Variants in ZNF746 observed in about 807,000 individuals in gnomAD.
The protein encoded by ZNF746 is parkin-interacting substrate.
A neutral mutation model predicts 41.0 loss-of-function variants in ZNF746; 13 were observed. The observed-to-expected ratio is 0.32, with a 90% CI of 0.21 to 0.50. The LOEUF (loss-of-function observed/expected upper bound fraction) is 0.50. Ranked by LOEUF, ZNF746 falls within the 20% of genes least tolerant of loss-of-function variation. ZNF746 has a pLI of 0.98. For missense variants in ZNF746, 811 were observed against 922.9 expected (o/e 0.88, Z 1.57); for synonymous variants, 424 against 396.2 (o/e 1.07, Z -0.83).
rs138634757 is a variant in ZNF746 at position 149,479,549 on chromosome 7, T to C, written c.566-1794A>G. ...TTTCAAAAAAGAAAAAGACATATTA[T>C]GAACACATTGGGTTTATTCTGAGAG... On this transcript the variant is annotated intron_variant, in intron 4 of 6. Coordinates refer to ENST00000458143, the MANE Select transcript of ZNF746 (RefSeq NM_001394198.1). Among the ~76,000 whole-genome samples the C allele has an allele frequency of 9.2e-5, 14 of 152,358 alleles. No individual in the cohort carries two copies. In the East Asian group the frequency reaches 2.7e-3, roughly 29 times the overall value.
chr7:149,490,862 G>A (rs1369878161), intron 4 of ZNF746: 1 of 151,644 alleles, frequency 6.6e-6, no homozygotes, highest in African/African-American at 2.4e-5. Flanking sequence ...TCTCTAGAGA[G>A]GGATTGAGGC....
rs149056131 is a variant in ZNF746, at chr7:149,493,409, G to A, written c.452-437C>T. Among the ~76,000 whole-genome samples the A allele has an allele frequency of 8.8e-4, 134 of 152,222 alleles. 1 individual carries two copies. Among genetic ancestry groups the A allele is most frequent in the Non-Finnish European group, 3.7e-4 (25 of 68,026 alleles). ...AACAGGTCTCACTGCCCTCGGCTCC[G>A]GGGTCACACAGAAACCATTAGGAAG... On this transcript the variant is annotated intron_variant, in intron 3 of 6. Transcript: ENST00000458143.
At chr7:149,475,613 G>C in intron 6 of ZNF746, 130 bp from the exon 7 acceptor site, 1 of 1,455,010 alleles carries the variant, frequency 6.9e-7, no homozygotes. Flanking sequence ...GCTGAGCCCA[G>C]AGGGCAGCTC....
In ZNF746 at chr7:149,477,720, T is replaced by C; in HGVS notation, c.601A>G (p.Met201Val). The part of the protein sequence containing the change: ...GPPVPAPDLL[M>V]QIKQEGELQL... ...AGCTCACCCTCCTGCTTGATCTGCA[T>C]CAAGAGGTCTGGGGCGGGAACTGGG... The change falls in exon 5 of 7, where the codon ATG (methionine) becomes GTG (valine). Residue 201 changes from methionine to valine, a missense_variant. Physicochemically the swap from Met to Val is conservative, Grantham distance 21. Coordinates refer to ENST00000458143, the MANE Select transcript of ZNF746 (RefSeq NM_001394198.1). 6.2e-7 allele frequency: 1 copy of C among 1,612,574 alleles called. No homozygotes were observed. Among genetic ancestry groups the C allele is most frequent in the Non-Finnish European group, 8.5e-7 (1 of 1,179,032 alleles).
At position 149,497,088 on chromosome 7, in the gene ZNF746, G is replaced by A. The variant is rs1166880585; in HGVS notation, c.24+425C>T. 3.0e-6 allele frequency: 3 copies of A among 985,264 alleles called. No individual in the cohort carries two copies. The highest frequency in any genetic ancestry group is 3.6e-6 in the Non-Finnish European group (3 of 829,932). 61.0% of individuals were successfully genotyped at this position (985,264 alleles called of 1,614,324 possible). A position where few individuals can be genotyped will look rare whatever the true frequency, so the allele number is the denominator to read the frequency against. ...GAAGCTGGGCACGTAGTGGGAGTCGGTGTATGCGGATTCGAAGCCGGACAC... is the reference window on the plus strand; with the variant it reads ...GAAGCTGGGCACGTAGTGGGAGTCGATGTATGCGGATTCGAAGCCGGACAC... On this transcript the variant is annotated intron_variant, in intron 1 of 6. Transcript: ENST00000458143. This position sits in a 1 kb window ranked among gnomAD's most constrained non-coding sequence, Gnocchi z 4.2.
Position 149,477,647 on chromosome 7 carries a change from C to T in ZNF746, c.674G>A (p.Gly225Glu), listed in dbSNP as rs372723860. 28 of 1,613,962 alleles carry T rather than the reference C, an allele frequency of 1.7e-5. No homozygotes were observed. The highest frequency in any genetic ancestry group is 1.6e-4 in the Middle Eastern group (1 of 6,084). ...QALGVEAWAA[G>E]QPDIGEEPWG... ...GGGCTCCTCCCCAATATCTGGCTGC[C>T]CGGCTGCCCACGCCTCCACGCCCAG... Residue 225 changes from glycine to glutamate, a missense_variant, in exon 5 of 7, where the codon GGG (glycine) becomes GAG (glutamate). Physicochemically the swap from Gly to Glu is moderately conservative, Grantham distance 98. This residue lies in a region of ZNF746 where 495 missense variants were observed against 481.6 expected (regional missense o/e 1.03). Transcript: ENST00000458143.
chr7:149,492,488 A>C (rs1274009781), intron 4 of ZNF746, among the ~76,000 whole-genome samples: 1 of 152,210 alleles, frequency 6.6e-6, no homozygotes, highest in African/African-American at 2.4e-5. Context: ...AGAGAGTCAA[A>C]AGTTATACAT....
intron 4 of ZNF746, among the ~76,000 whole-genome samples, chr7:149,486,977 G>A (rs1800645071): frequency 6.6e-6 from 1 of 152,244 alleles, no homozygotes; most frequent in Non-Finnish European, 1.5e-5. Context: ...ACAGCAGGGG[G>A]TGGGTGGAAG....
chr7:149,485,134 C>A, intron 4 of ZNF746, among the ~76,000 whole-genome samples: 1 of 145,804 alleles, frequency 6.9e-6, no homozygotes, highest in African/African-American at 2.5e-5. Context: ...AAAAAGATAC[C>A]ACTGACAAAA....
intron 4 of ZNF746, among the ~76,000 whole-genome samples, chr7:149,479,424 G>A (rs1332461228): frequency 1.3e-5 from 2 of 152,188 alleles, no homozygotes; most frequent in South Asian, 2.1e-4. Flanking sequence ...GCACAAACTA[G>A]AGGGGTAGTA....
chr7:149,475,870 T>C (rs1800282809), intron 6 of ZNF746, among the ~76,000 whole-genome samples: 1 of 152,198 alleles, frequency 6.6e-6, no homozygotes, highest in African/African-American at 2.4e-5. Flanking sequence ...CTGCAGGCAG[T>C]TTCTAACCCA....
At chr7:149,475,537 C>G (rs776990709) in intron 6 of ZNF746, 54 bp from the exon 7 acceptor site, 1 of 1,547,246 alleles carries the variant, frequency 6.5e-7, no homozygotes, top group South Asian at 1.2e-5. Flanking sequence ...CTGAGCGAGC[C>G]ACGATCTGCC....
In ZNF746 at chr7:149,475,141, G is replaced by A. The variant is rs1394434584; in HGVS notation, c.1226C>T (p.Pro409Leu). 9 of 1,612,662 alleles carry A rather than the reference G, an allele frequency of 5.6e-6. No homozygotes were observed. Among genetic ancestry groups the A allele is most frequent in the Non-Finnish European group, 7.6e-6 (9 of 1,179,816 alleles). The part of the protein sequence containing the change: ...FRCKPPVGLN[P>L]RTGPEGLPYS... Reference sequence around the variant, plus strand: ...AGGAAGCCCCTCGGGCCCCGTCCTCGGGTTCAGGCCCACTGGCGGTTTACA... The same window carrying A: ...AGGAAGCCCCTCGGGCCCCGTCCTCAGGTTCAGGCCCACTGGCGGTTTACA... The change falls in exon 7 of 7, where the codon CCG becomes CTG. Residue 409 changes from proline (P) to leucine (L), a missense_variant. Coordinates refer to ENST00000458143, the MANE Select transcript of ZNF746 (RefSeq NM_001394198.1).
rs192018905 is a variant in ZNF746, at chr7:149,480,285, G to A, written c.566-2530C>T. On this transcript the variant is annotated intron_variant, in intron 4 of 6. Coordinates refer to ENST00000458143, the MANE Select transcript of ZNF746 (RefSeq NM_001394198.1). Reference sequence around the variant, plus strand: ...TTTGGATATTAAAATTATCATATAAGGAATATAAAGTTCAATTATTTACAG... The same window carrying A: ...TTTGGATATTAAAATTATCATATAAAGAATATAAAGTTCAATTATTTACAG... 3.0e-3 allele frequency among the ~76,000 whole-genome samples: 460 copies of A among 152,098 alleles called. 2 individuals carry two copies. The highest frequency in any genetic ancestry group is 5.5e-3 in the Non-Finnish European group (376 of 67,998).
Position 149,476,997 on chromosome 7 carries a change from C to G in ZNF746, c.808G>C (p.Asp270His), listed in dbSNP as rs750631084. 6.2e-7 allele frequency: 1 copy of G among 1,613,810 alleles called. No individual in the cohort carries two copies. The highest frequency in any genetic ancestry group is 8.5e-7 in the Non-Finnish European group (1 of 1,179,926). The change falls in exon 6 of 7, where the codon GAT becomes CAT. Residue 270 changes from aspartate to histidine, a missense_variant. Asp to His is a moderately conservative substitution (Grantham distance 81). Around this residue, in one of 4 missense-constraint regions of ZNF746, gnomAD observed 495 missense variants for 481.6 expected, o/e 1.03. Transcript: ENST00000458143. ...GAAGAGGGATGGTGGGGAGGGAGAT[C>G]CGTTTGCCAGGAGGTGGGCGGGATG... ...TTIPPTSWQTDLPPHHPSSAC... is the reference protein window; with the variant it reads ...TTIPPTSWQTHLPPHHPSSAC...
Position 149,474,136 on chromosome 7 carries a change from C to A in ZNF746, c.*248G>T. Reference sequence around the variant, plus strand: ...TTAAAAAAAAACAAAAAACAAAAAACAAAACAGGTTTGCAATTAAATTACT... The same window carrying A: ...TTAAAAAAAAACAAAAAACAAAAAAAAAAACAGGTTTGCAATTAAATTACT... On this transcript the variant is annotated 3_prime_UTR_variant, in exon 7 of 7. Coordinates refer to ENST00000458143, the MANE Select transcript of ZNF746 (RefSeq NM_001394198.1). This position sits in a 1 kb window ranked among gnomAD's most constrained non-coding sequence, Gnocchi z 6.3. 1.9e-6 allele frequency: 1 copy of A among 527,940 alleles called. No homozygotes were observed. Among genetic ancestry groups the A allele is most frequent in the East Asian group, 3.3e-5 (1 of 30,370 alleles). 32.7% of individuals were successfully genotyped at this position (527,940 alleles called of 1,614,324 possible). A position where few individuals can be genotyped will look rare whatever the true frequency, so the allele number is the denominator to read the frequency against.
chr7:149,482,903 C>A (rs1363265433), intron 4 of ZNF746, among the ~76,000 whole-genome samples: 1 of 151,938 alleles, frequency 6.6e-6, no homozygotes, highest in Admixed American at 6.6e-5. Flanking sequence ...TAAATCTAGC[C>A]AACTAAAGGT....
intron 4 of ZNF746, among the ~76,000 whole-genome samples, chr7:149,487,440 T>C (rs1341207757): frequency 6.6e-6 from 1 of 152,252 alleles, no homozygotes; most frequent in Non-Finnish European, 1.5e-5. Flanking sequence ...AAATGTATCT[T>C]GTCCACAGAC....
chr7:149,479,961 A>G (rs909242395), intron 4 of ZNF746, among the ~76,000 whole-genome samples: 13 of 149,994 alleles, frequency 8.7e-5, no homozygotes, highest in Admixed American at 4.7e-4. Flanking sequence ...CACAGAGGGG[A>G]AAAAAAAAAG....
Sources: gnomAD v4.1 joint callset for allele counts (sites outside exome capture counted in the v4.1 genomes callset) on GRCh38, gnomAD v4.1.1 for gene constraint, gnomAD v4.1.1 regional missense constraint, Gnocchi (gnomAD v3.1) non-coding constraint, MANE v1.5 for transcripts, NCBI Gene and HGNC (gene_info 2026-07-23, HGNC 2026-07-21) for gene names.